The following GRM8 variants were observed in gnomAD, a reference collection of about 807,000 sequenced individuals.
The protein encoded by GRM8 is metabotropic glutamate receptor 8.
Under a neutral mutation model 87.2 loss-of-function variants are expected in GRM8, and 47 were observed. That is an observed-to-expected ratio of 0.54 (90% CI 0.43 to 0.69). The LOEUF (loss-of-function observed/expected upper bound fraction) is 0.69, where lower values mean the gene tolerates loss of function less well. Ranked by LOEUF, GRM8 falls within the 30% of genes least tolerant of loss-of-function variation. GRM8 has a pLI of 0.00. For synonymous variants in GRM8, 396 were observed against 404.5 expected (o/e 0.98, Z 0.25); for missense variants, 1,019 against 1,139.2 (o/e 0.89, Z 1.52).
chr7:126,745,861 A>G (rs1014442319), intron 7 of GRM8, among the ~76,000 whole-genome samples: 1 of 151,836 alleles, frequency 6.6e-6, no homozygotes, highest in Non-Finnish European at 1.5e-5. Context: ...GCTATTTAGA[A>G]TTACGTGTAC....
chr7:127,145,435 T>C (rs2133288877), intron 2 of GRM8, among the ~76,000 whole-genome samples: 1 of 152,268 alleles, frequency 6.6e-6, no homozygotes. Context: ...CTAAAGTATT[T>C]AATGTCTTTC....
At chr7:127,012,011 AAAC>A (rs1476331131) in intron 3 of GRM8, among the ~76,000 whole-genome samples, 2 of 152,206 alleles carry the variant, frequency 1.3e-5, no homozygotes, top group African/African-American at 4.8e-5. Context: ...ATTGAAGGAA[AAAC>A]AACATTTGGT....
chr7:126,843,298 G>A (rs999363680), intron 6 of GRM8, among the ~76,000 whole-genome samples: 7 of 151,958 alleles, frequency 4.6e-5, no homozygotes, highest in African/African-American at 1.7e-4. Flanking sequence ...ATAAACTAAA[G>A]GGGACTATAA....
At chr7:126,883,689 C>G (rs1403667797) in intron 6 of GRM8, among the ~76,000 whole-genome samples, 2 of 152,030 alleles carry the variant, frequency 1.3e-5, no homozygotes, top group Non-Finnish European at 2.9e-5. Flanking sequence ...AAACCAGCAC[C>G]AGATGAAAGG....
intron 6 of GRM8, among the ~76,000 whole-genome samples, chr7:126,831,671 G>C (rs1465685492): frequency 6.6e-6 from 1 of 152,126 alleles, no homozygotes; most frequent in Non-Finnish European, 1.5e-5. Context: ...GCAATGCCTT[G>C]CCCTGCTTCA....
intron 3 of GRM8, among the ~76,000 whole-genome samples, chr7:126,914,709 G>A (rs1270814117): frequency 6.6e-6 from 1 of 152,154 alleles, no homozygotes; most frequent in Non-Finnish European, 1.5e-5. Context: ...ATAAGTGTGA[G>A]CTAAATCTTG....
At chr7:126,618,167 A>C (rs1466585466) in intron 7 of GRM8, among the ~76,000 whole-genome samples, 2 of 152,206 alleles carry the variant, frequency 1.3e-5, no homozygotes, top group Non-Finnish European at 2.9e-5. Flanking sequence ...TGGTACTGGT[A>C]CCAAAACAGA....
In GRM8 at chr7:127,087,905, C is replaced by T. The variant is rs542471423; in HGVS notation, c.727+18591G>A. On this transcript the variant is annotated intron_variant, in intron 3 of 10. Coordinates refer to ENST00000339582, the MANE Select transcript of GRM8 (RefSeq NM_000845.3). The stretch of plus-strand genomic sequence containing the variant: ...TCAGTGCTCAATAATAGGGCTCCCC[C>T]AGAGTGCCTTGCCTGCTTCACGATT... 9.2e-5 allele frequency among the ~76,000 whole-genome samples: 14 copies of T among 152,334 alleles called. No individual in the cohort carries two copies. In the East Asian group the frequency reaches 2.7e-3, roughly 29 times the overall value.
chr7:126,899,799 C>A (rs984955157), intron 6 of GRM8, among the ~76,000 whole-genome samples: 2 of 151,228 alleles, frequency 1.3e-5, no homozygotes, highest in African/African-American at 2.4e-5. Flanking sequence ...CCAATTCTTT[C>A]TCAAGCTCTC....
chr7:127,076,071 T>A, intron 3 of GRM8: 1 of 436,724 alleles, frequency 2.3e-6, no homozygotes, highest in South Asian at 1.6e-5. Context: ...ACATTGTATG[T>A]AAGAAGAAGA....
At chr7:126,977,172 C>G (rs1811078234) in intron 3 of GRM8, among the ~76,000 whole-genome samples, 1 of 152,060 alleles carries the variant, frequency 6.6e-6, no homozygotes. Context: ...ATTTTCAGTT[C>G]TTTGAAAATA....
chr7:127,053,849 A>G (rs1047265164), intron 3 of GRM8, among the ~76,000 whole-genome samples: 3 of 151,108 alleles, frequency 2.0e-5, no homozygotes, highest in Non-Finnish European at 3.0e-5. Flanking sequence ...AAAATTCCCA[A>G]TATCTGGCAC....
At chr7:127,159,076 G>C (rs1792926939) in intron 2 of GRM8, among the ~76,000 whole-genome samples, 1 of 152,194 alleles carries the variant, frequency 6.6e-6, no homozygotes, top group African/African-American at 2.4e-5. Flanking sequence ...TTTGGTAAGA[G>C]CAGGCTGTGT....
chr7:126,497,027 G>A (rs1808863548), intron 9 of GRM8, among the ~76,000 whole-genome samples: 1 of 150,874 alleles, frequency 6.6e-6, no homozygotes, highest in Non-Finnish European at 1.5e-5. Context: ...CCCTTTGGGG[G>A]CAATAATGTT....
intron 6 of GRM8, among the ~76,000 whole-genome samples, chr7:126,826,376 C>G (rs1041785970): frequency 6.6e-6 from 1 of 152,206 alleles, no homozygotes; most frequent in Admixed American, 6.5e-5. Flanking sequence ...TCCTCTCCAG[C>G]ACCTGTTGTT....
chr7:126,978,299 G>T (rs1461207390), intron 3 of GRM8, among the ~76,000 whole-genome samples: 1 of 152,058 alleles, frequency 6.6e-6, no homozygotes, highest in Admixed American at 6.6e-5. Context: ...ATATAGCCTG[G>T]ACAACCCATG....
chr7:126,714,625 G>C (rs538290627), intron 7 of GRM8, among the ~76,000 whole-genome samples: 1 of 152,210 alleles, frequency 6.6e-6, no homozygotes, highest in African/African-American at 2.4e-5. Flanking sequence ...TGGGAGCCCA[G>C]ATGAAATGCA....
chr7:127,008,891 C>A (rs189287908), intron 3 of GRM8, among the ~76,000 whole-genome samples: 2 of 152,224 alleles, frequency 1.3e-5, no homozygotes, highest in African/African-American at 4.8e-5. Flanking sequence ...ATGTTTTTAT[C>A]TACATCAGTG....
At chr7:126,726,233 G>A (rs768110629) in intron 7 of GRM8, among the ~76,000 whole-genome samples, 2 of 151,236 alleles carry the variant, frequency 1.3e-5, no homozygotes, top group Non-Finnish European at 2.9e-5. Context: ...AAAAAAAAAC[G>A]TAGAGGATAG....
Sources: allele counts gnomAD v4.1 joint callset (sites outside exome capture counted in the v4.1 genomes callset), GRCh38; gene constraint gnomAD v4.1.1; transcripts MANE v1.5; gene names NCBI Gene and HGNC (gene_info 2026-07-23, HGNC 2026-07-21).